FAM81B: variants seen among roughly 807,000 people sequenced by gnomAD.
The protein encoded by FAM81B is family with sequence similarity 81 member B.
In FAM81B, 60 loss-of-function variants were observed where a neutral mutation model predicts 58.7. The ratio of observed to expected loss-of-function variants is 1.02; its 90% CI spans 0.83 to 1.27. The LOEUF is 1.27. Ranked by LOEUF, FAM81B falls within the 50% of genes most tolerant of loss-of-function variation. The pLI is 0.00. For synonymous variants in FAM81B, 189 were observed against 179.6 expected (o/e 1.05, Z -0.42); for missense variants, 491 against 522.0 (o/e 0.94, Z 0.58).
At chr5:95,427,567 A>G (rs1037623160) in intron 5 of FAM81B, among the ~76,000 whole-genome samples, 5 of 152,198 alleles carry the variant, frequency 3.3e-5, no homozygotes, top group African/African-American at 4.8e-5. Context: ...ACTTTAAGGA[A>G]AAAAGATTCA....
intron 3 of FAM81B, among the ~76,000 whole-genome samples, chr5:95,405,316 G>A: frequency 6.6e-6 from 1 of 152,194 alleles, no homozygotes; most frequent in East Asian, 1.9e-4. Flanking sequence ...GAATCTCCAA[G>A]TTGTGTGACC....
At chr5:95,448,555 A>G (rs2152771391) in intron 9 of FAM81B, 91 bp downstream of exon 9, 7 of 1,202,678 alleles carry the variant, frequency 5.8e-6, no homozygotes, top group Non-Finnish European at 5.8e-6. Flanking sequence ...CCAGGGATCA[A>G]TCTTGTCATT....
chr5:95,437,127 A>G (rs1040144368), intron 7 of FAM81B, among the ~76,000 whole-genome samples: 2 of 152,122 alleles, frequency 1.3e-5, no homozygotes, highest in African/African-American at 4.8e-5. Context: ...TTGACTGCAC[A>G]ATATCTCAAC....
intron 5 of FAM81B, chr5:95,424,216 T>C: frequency 1.6e-6 from 2 of 1,289,682 alleles, no homozygotes; most frequent in Non-Finnish European, 2.0e-6. Context: ...AAAGACATAA[T>C]AGTTATTGTT....
intron 7 of FAM81B, among the ~76,000 whole-genome samples, chr5:95,446,352 G>C (rs574615318): frequency 6.6e-6 from 1 of 152,128 alleles, no homozygotes; most frequent in Non-Finnish European, 1.5e-5. Context: ...GGTATGTAGA[G>C]GGGGTGTTAA....
At chr5:95,444,263 A>G (rs1745470784) in intron 7 of FAM81B, among the ~76,000 whole-genome samples, 1 of 152,218 alleles carries the variant, frequency 6.6e-6, no homozygotes, top group Non-Finnish European at 1.5e-5. Flanking sequence ...TCAGCCATGA[A>G]CAATGCAAAA....
At chr5:95,447,097 A>C (rs1352508161) in intron 8 of FAM81B, among the ~76,000 whole-genome samples, 1 of 152,162 alleles carries the variant, frequency 6.6e-6, no homozygotes. Flanking sequence ...TAGTAGATTA[A>C]AAGTTTTCAA....
intron 6 of FAM81B, among the ~76,000 whole-genome samples, chr5:95,429,167 TG>T (rs1334697568): frequency 6.6e-6 from 1 of 152,198 alleles, no homozygotes; most frequent in African/African-American, 2.4e-5. Flanking sequence ...CAAAATAACA[TG>T]TAAGTCCTTT....
chr5:95,415,771 G>T (rs1338574004), intron 4 of FAM81B, among the ~76,000 whole-genome samples: 1 of 152,134 alleles, frequency 6.6e-6, no homozygotes, highest in African/African-American at 2.4e-5. Context: ...TCTATATTTT[G>T]ATCTGGATTG....
intron 7 of FAM81B, among the ~76,000 whole-genome samples, chr5:95,445,148 T>C (rs530085363): frequency 2.0e-5 from 3 of 152,342 alleles, no homozygotes; most frequent in East Asian, 3.9e-4. Context: ...ATATGGAGTG[T>C]ATGTCCAGCA....
At position 95,448,693 on chromosome 5, in the gene FAM81B, A is replaced by ATT. The variant is rs56864403; in HGVS notation, c.1225+249_1225+250dup. 2,680 of 390,264 alleles carry ATT rather than the reference A, an allele frequency of 6.9e-3. 3 individuals carry two copies. The highest frequency in any genetic ancestry group is 9.6e-3 in the South Asian group (434 of 45,048). The allele number at this position is 390,264 out of a possible 1,614,324, so 24.2% of individuals were successfully genotyped here. A position where few individuals can be genotyped will look rare whatever the true frequency, so the allele number is the denominator to read the frequency against. ...TGTCACAGGCCTGCCATTGGTGTGA[A>ATT]TTTTTTTTTTTTTTTTTTTTTACTA... On this transcript the variant is annotated intron_variant, in intron 9 of 9. Transcript: ENST00000283357.
At chr5:95,444,860 T>C (rs1351576535) in intron 7 of FAM81B, among the ~76,000 whole-genome samples, 3 of 152,206 alleles carry the variant, frequency 2.0e-5, no homozygotes, top group Non-Finnish European at 1.5e-5. Context: ...ACTATTGGTA[T>C]TTCAGCTGGA....
chr5:95,438,608 T>G (rs1745193992), intron 7 of FAM81B, among the ~76,000 whole-genome samples: 1 of 152,144 alleles, frequency 6.6e-6, no homozygotes, highest in Admixed American at 6.5e-5. Flanking sequence ...CTTGACTCTT[T>G]TTCTCACTTT....
rs1305935195 is a variant in FAM81B at position 95,446,820 on chromosome 5, T to A, written c.1029+123T>A. On this transcript the variant is annotated intron_variant, in intron 8 of 9. Coordinates refer to ENST00000283357, the MANE Select transcript of FAM81B (RefSeq NM_152548.3). ...CTTCACTGCTTCAGTAACTTTTTTT[T>A]TTTTAAACACCACAATAGGAGTCCA... 7.9e-6 allele frequency: 10 copies of A among 1,266,236 alleles called. No homozygotes were observed. In the East Asian group the frequency reaches 2.2e-4, roughly 27 times the overall value. 78.4% of individuals were successfully genotyped at this position (1,266,236 alleles called of 1,614,324 possible).
chr5:95,413,797 A>G (rs1762464883), intron 3 of FAM81B, 150 bp from the exon 4 acceptor site: 1 of 1,370,700 alleles, frequency 7.3e-7, no homozygotes, highest in Non-Finnish European at 9.6e-7. Context: ...ACCTTCACCA[A>G]ATTCTAACCA....
intron 5 of FAM81B, among the ~76,000 whole-genome samples, chr5:95,421,073 A>G (rs1249347596): frequency 1.3e-5 from 2 of 152,204 alleles, no homozygotes; most frequent in Non-Finnish European, 2.9e-5. Flanking sequence ...ACTACCTAAG[A>G]CAAAGCTCTC....
chr5:95,440,661 G>T, intron 7 of FAM81B: 1 of 876,494 alleles, frequency 1.1e-6, no homozygotes, highest in South Asian at 1.8e-5. Flanking sequence ...TCCAAGGACA[G>T]ACCACAGACT....
chr5:95,432,221 C>T (rs756522285), intron 6 of FAM81B, among the ~76,000 whole-genome samples: 6 of 151,970 alleles, frequency 3.9e-5, no homozygotes, highest in Non-Finnish European at 7.4e-5. Context: ...TTAAACCATC[C>T]TTGCATTTTC....
Position 95,439,236 on chromosome 5 carries a change from G to GTATATATATATATATATATATATATA in FAM81B, c.893+2334_893+2359dup, listed in dbSNP as rs577076287. ...ATAGGCAAGCTTGCTAGGTTAAAGA[G>GTATATATATATATATATATATATATA]TATATATATATATATATATATATAT... On this transcript the variant is annotated intron_variant, in intron 7 of 9. Transcript: ENST00000283357. Among the ~76,000 whole-genome samples, 79 of 105,130 alleles carry GTATATATATATATATATATATATATA rather than the reference G, an allele frequency of 7.5e-4. 1 individual carries two copies. Among genetic ancestry groups the GTATATATATATATATATATATATATA allele is most frequent in the African/African-American group, 1.2e-3 (34 of 28,294 alleles). The allele number at this position is 105,130 out of a possible 152,430, so 69.0% of individuals were successfully genotyped here. A position where few individuals can be genotyped will look rare whatever the true frequency, so the allele number is the denominator to read the frequency against.
Sources: allele counts gnomAD v4.1 joint callset (sites outside exome capture counted in the v4.1 genomes callset), GRCh38; gene constraint gnomAD v4.1.1; transcripts MANE v1.5; gene names NCBI Gene and HGNC (gene_info 2026-07-23, HGNC 2026-07-21).